The following CIDEC variants were observed in gnomAD, a reference collection of about 807,000 sequenced individuals.
CIDEC encodes lipid transferase CIDEC.
In CIDEC, 11 loss-of-function variants were observed where a neutral mutation model predicts 21.9. The ratio of observed to expected loss-of-function variants is 0.50; its 90% confidence interval spans 0.32 to 0.83. The LOEUF is 0.83. CIDEC is among the 40% of genes least tolerant of loss of function. CIDEC has a pLI of 0.04. For synonymous variants in CIDEC, 127 were observed against 124.9 expected (o/e 1.02, Z -0.11); for missense variants, 302 against 302.3 (o/e 1.00, Z 0.01).
chr3:9,868,898 A>G (rs1050914433), intron 6 of CIDEC, among the ~76,000 whole-genome samples: 4 of 151,648 alleles, frequency 2.6e-5, no homozygotes, highest in Non-Finnish European at 5.9e-5. Flanking sequence ...ATCTCACTGC[A>G]GCCTCAAACT....
intron 4 of CIDEC, 23 bp downstream of exon 4, chr3:9,877,043 G>C: frequency 6.5e-7 from 1 of 1,545,294 alleles, no homozygotes; most frequent in Non-Finnish European, 8.8e-7. Flanking sequence ...CAGCTGGGCT[G>C]TGCAACGCGC....
At chr3:9,878,606 A>T in intron 2 of CIDEC, 95 bp from the exon 3 acceptor site, 1 of 1,275,218 alleles carries the variant, frequency 7.8e-7, no homozygotes, top group Non-Finnish European at 1.1e-6. Flanking sequence ...CCTGTTCAGC[A>T]ACCTTCCTCC....
chr3:9,869,613 A>G (rs2082317733), intron 6 of CIDEC, among the ~76,000 whole-genome samples: 1 of 152,214 alleles, frequency 6.6e-6, no homozygotes, highest in Non-Finnish European at 1.5e-5. Context: ...TATTTCAATG[A>G]AAAAATGTAG....
chr3:9,871,151 T>C (rs2082342351), intron 4 of CIDEC, among the ~76,000 whole-genome samples: 1 of 151,246 alleles, frequency 6.6e-6, no homozygotes, highest in Non-Finnish European at 1.5e-5. Flanking sequence ...AATTGCTGAG[T>C]CATACATTAA....
intron 2 of CIDEC, 31 bp downstream of exon 2, chr3:9,878,911 C>T: frequency 1.8e-6 from 2 of 1,124,670 alleles, no homozygotes; most frequent in Non-Finnish European, 2.6e-6. Context: ...TGAGTCACAC[C>T]ACCTCACACT....
At chr3:9,879,895 G>A (rs573503725) in intron 1 of CIDEC, among the ~76,000 whole-genome samples, 6 of 152,208 alleles carry the variant, frequency 3.9e-5, no homozygotes, top group East Asian at 1.9e-4. Context: ...CGAAGCTCCC[G>A]GCACAGGTAG....
intron 4 of CIDEC, among the ~76,000 whole-genome samples, chr3:9,870,916 A>C (rs548596263): frequency 6.6e-4 from 100 of 151,710 alleles, no homozygotes; most frequent in African/African-American, 2.4e-3. Flanking sequence ...CTGGAATTAC[A>C]GGCATGTGCT....
At chr3:9,874,432 C>G (rs2082391950) in intron 4 of CIDEC, among the ~76,000 whole-genome samples, 5 of 151,838 alleles carry the variant, frequency 3.3e-5, no homozygotes, top group Non-Finnish European at 7.4e-5. Flanking sequence ...GGCAGGATCA[C>G]TTGAACCTAG....
At chr3:9,870,965 C>T (rs1253507590) in intron 4 of CIDEC, among the ~76,000 whole-genome samples, 2 of 150,480 alleles carry the variant, frequency 1.3e-5, no homozygotes, top group Admixed American at 6.6e-5. Context: ...TTTTTTTTGG[C>T]TAAATAATAT....
intron 2 of CIDEC, 139 bp from the exon 3 acceptor site, chr3:9,878,650 C>T (rs927204533): frequency 4.3e-5 from 55 of 1,280,086 alleles, no homozygotes; most frequent in Non-Finnish European, 6.0e-5. Context: ...CATACCTCCC[C>T]CAGCCCTTCT....
chr3:9,866,870 T>C lies in CIDEC; in HGVS notation c.*264A>G, dbSNP rs2082276516. The C allele has an allele frequency of 1.6e-6, 1 of 606,332 alleles. No homozygotes were observed. The highest frequency in any genetic ancestry group is 2.9e-6 in the Non-Finnish European group (1 of 339,312). 37.6% of individuals were successfully genotyped at this position (606,332 alleles called of 1,614,324 possible). Reference sequence around the variant, plus strand: ...TGCTAAGGGGCAGACTTCATGCCAATGGAGGGACAGACTTCAGGACCAGTC... The same window carrying C: ...TGCTAAGGGGCAGACTTCATGCCAACGGAGGGACAGACTTCAGGACCAGTC... On this transcript the variant is annotated 3_prime_UTR_variant, in exon 7 of 7. Coordinates refer to ENST00000336832, the MANE Select transcript of CIDEC (RefSeq NM_001321142.2).
chr3:9,868,861 G>A (rs1333431987), intron 6 of CIDEC, among the ~76,000 whole-genome samples: 1 of 152,142 alleles, frequency 6.6e-6, no homozygotes. Context: ...CTGTTGCCCA[G>A]GCTGGAGTAC....
chr3:9,877,097 A>G lies in CIDEC; in HGVS notation c.176T>C (p.Met59Thr). ...GAGGAGGTCCTCAAGACTGTAAGCC[A>G]TGATGCCCTTCCTCACGCTTCGATC... ...TADRSVRKGI[M>T]AYSLEDLLLK... is the part of the protein sequence containing the mutation. The change falls in exon 4 of 7, where the codon ATG (methionine) becomes ACG (threonine). Residue 59 changes from methionine to threonine, a missense_variant. Coordinates refer to ENST00000336832, the MANE Select transcript of CIDEC (RefSeq NM_001321142.2). 5 of 1,553,598 alleles carry G rather than the reference A, an allele frequency of 3.2e-6. No individual in the cohort carries two copies. The highest frequency in any genetic ancestry group is 3.5e-6 in the Non-Finnish European group (4 of 1,147,922).
chr3:9,867,182 C>G lies in CIDEC; in HGVS notation c.669G>C (p.Lys223Asn), dbSNP rs540548753. 1 of 1,614,046 alleles carries G rather than the reference C, an allele frequency of 6.2e-7. No homozygotes were observed. Among genetic ancestry groups the G allele is most frequent in the Admixed American group, 1.7e-5 (1 of 60,028 alleles). ...TCGGGATAAGGGATGAGGCCTTGCC[C>G]TTGGGGGGCTGCCCTTCCTCCGTAG... Reference protein sequence around the residue: ...LDATEEGQPPKGKASSLIPTC... With the variant: ...LDATEEGQPPNGKASSLIPTC... The change falls in exon 7 of 7, where the codon AAG (lysine) becomes AAC (asparagine). Residue 223 changes from lysine (K) to asparagine (N), a missense_variant. Physicochemically the swap from Lys to Asn is moderately conservative, Grantham distance 94. Transcript: ENST00000336832.
At chr3:9,875,587 T>C (rs1662621856) in intron 4 of CIDEC, among the ~76,000 whole-genome samples, 1 of 152,180 alleles carries the variant, frequency 6.6e-6, no homozygotes, top group South Asian at 2.1e-4. Context: ...AAGGATATTA[T>C]TGGGACAGCT....
rs201525477 is a variant in CIDEC, at chr3:9,870,368, G to A, written c.208-46C>T. 1.3e-4 allele frequency: 214 copies of A among 1,605,486 alleles called. No individual in the cohort carries two copies. The African/African-American group carries it at 2.4e-3, about 18-fold the overall frequency. ...TGCTTCTGCCATCCCAGAACAAGTG[G>A]GCTGGACTCTATGAGGTGGAACTGG... On this transcript the variant is annotated intron_variant, in intron 4 of 6. Transcript: ENST00000336832.
chr3:9,868,078 A>G (rs1345388281), intron 6 of CIDEC, among the ~76,000 whole-genome samples: 1 of 152,216 alleles, frequency 6.6e-6, no homozygotes, highest in Non-Finnish European at 1.5e-5. Context: ...GGTAGCACTA[A>G]AAGCATTTCA....
chr3:9,874,737 T>A (rs2082396727), intron 4 of CIDEC, among the ~76,000 whole-genome samples: 1 of 152,074 alleles, frequency 6.6e-6, no homozygotes, highest in South Asian at 2.1e-4. Flanking sequence ...ACAATCTTTT[T>A]AAAATTTTTT....
chr3:9,878,972 C>A lies in CIDEC; in HGVS notation c.-56G>T, dbSNP rs2082468265. The A allele has an allele frequency of 2.9e-6, 2 of 691,802 alleles. No homozygotes were observed. The highest frequency in any genetic ancestry group is 1.8e-5 in the African/African-American group (1 of 57,064). The allele number at this position is 691,802 out of a possible 1,614,324, so 42.9% of individuals were successfully genotyped here. A position where few individuals can be genotyped will look rare whatever the true frequency, so the allele number is the denominator to read the frequency against. ...GTCCAGAGACCTCACAGGCAGGCAG[C>A]CCAGTCAAAGCCTCCTCTCTCCCAT... is the stretch of plus-strand genomic sequence containing the variant. On this transcript the variant is annotated 5_prime_UTR_variant, in exon 2 of 7. Transcript: ENST00000336832.
Sources: gnomAD v4.1 joint callset for allele counts (sites outside exome capture counted in the v4.1 genomes callset) on GRCh38, gnomAD v4.1.1 for gene constraint, MANE v1.5 for transcripts, NCBI Gene and HGNC (gene_info 2026-07-23, HGNC 2026-07-21) for gene names.